GOLGA3: variants seen among roughly 807,000 people sequenced by gnomAD.
GOLGA3 encodes golgin subfamily A member 3.
Under a neutral mutation model 169.4 loss-of-function variants are expected in GOLGA3, and 75 were observed. The ratio of observed to expected loss-of-function variants is 0.44; its 90% CI spans 0.37 to 0.54. The LOEUF is 0.54. Ranked by LOEUF, GOLGA3 falls within the 20% of genes least tolerant of loss-of-function variation. GOLGA3 has a pLI of 0.00. For synonymous variants in GOLGA3, 824 were observed against 822.4 expected (o/e 1.00, Z -0.03); for missense variants, 1,899 against 1,930.0 (o/e 0.98, Z 0.30).
chr12:132,812,054 G>A (rs1236491471), intron 4 of GOLGA3, among the ~76,000 whole-genome samples: 1 of 150,470 alleles, frequency 6.6e-6, no homozygotes, highest in African/African-American at 2.4e-5. Context: ...CGGGCATGGT[G>A]GCACGTGCTT....
chr12:132,776,841 A>G, intron 20 of GOLGA3, 85 bp from the exon 21 acceptor site: 1 of 1,565,786 alleles, frequency 6.4e-7, no homozygotes, highest in East Asian at 2.2e-5. Context: ...GTTTTGGTTT[A>G]TCTTTTAATA....
chr12:132,824,481 G>A (rs755736020), intron 1 of GOLGA3, among the ~76,000 whole-genome samples: 9 of 152,208 alleles, frequency 5.9e-5, no homozygotes, highest in Non-Finnish European at 1.2e-4. Flanking sequence ...ATAGAAATGT[G>A]TCCTAACATT....
intron 13 of GOLGA3, 103 bp downstream of exon 13, chr12:132,788,924 C>G (rs1376688489): frequency 2.4e-6 from 2 of 816,698 alleles, no homozygotes; most frequent in Non-Finnish European, 1.8e-6. Flanking sequence ...CAGACAGACC[C>G]CGCCCCAGAC....
intron 13 of GOLGA3, 67 bp from the exon 14 acceptor site, chr12:132,786,854 C>G (rs2045931039): frequency 1.8e-6 from 2 of 1,105,206 alleles, no homozygotes; most frequent in Admixed American, 1.7e-5. Flanking sequence ...CTTCCTGGCT[C>G]CAGCCCATCA....
rs1462138692 is a variant in GOLGA3 at position 132,796,027 on chromosome 12, T to C, written c.2294A>G (p.Glu765Gly). 3.1e-6 allele frequency: 5 copies of C among 1,612,900 alleles called. No individual in the cohort carries two copies. Among genetic ancestry groups the C allele is most frequent in the Non-Finnish European group, 4.2e-6 (5 of 1,180,010 alleles). The stretch of plus-strand genomic sequence containing the variant: ...GTTCTGCAGGAGGCAGATCGTGTCC[T>C]CCCTGGAGGCGGCCTCGCCCTGCAG... ...GELQGEAASR[E>G]DTICLLQNEK... Residue 765 changes from glutamate (E) to glycine (G), a missense_variant, in exon 11 of 24, where the codon GAG (glutamate) becomes GGG (glycine). Transcript: ENST00000450791.
At chr12:132,818,482 A>G (rs1593385986) in intron 2 of GOLGA3, among the ~76,000 whole-genome samples, 2 of 152,152 alleles carry the variant, frequency 1.3e-5, no homozygotes, top group African/African-American at 4.8e-5. Flanking sequence ...TCTGGTCTCA[A>G]ACTCCTCCCC....
intron 2 of GOLGA3, among the ~76,000 whole-genome samples, chr12:132,817,587 T>A (rs56026868): frequency 6.7e-3 from 3 of 446 alleles, no homozygotes; most frequent in Non-Finnish European, 5.6e-3. Flanking sequence ...CGCCCTCCAC[T>A]CCTCCACGCT....
At chr12:132,798,301 T>C (rs1948969742) in intron 9 of GOLGA3, 39 bp downstream of exon 9, 1 of 1,571,808 alleles carries the variant, frequency 6.4e-7, no homozygotes, top group Middle Eastern at 1.7e-4. Context: ...TGTCTGCGTC[T>C]GTTCTCCTAA....
chr12:132,773,544 G>A (rs552383309), intron 23 of GOLGA3, among the ~76,000 whole-genome samples: 5 of 152,208 alleles, frequency 3.3e-5, no homozygotes, highest in African/African-American at 7.2e-5. Context: ...TGGCACACAC[G>A]ACTTCCACTC....
In GOLGA3 at chr12:132,777,833, T is replaced by C. The variant is rs551840805; in HGVS notation, c.3583-28A>G. ...AGGAGGAAGGAAGCCACGTTGTCCA[T>C]GCCCTGCGTGACACCCACAGCTTTA... On this transcript the variant is annotated intron_variant, in intron 18 of 23. Transcript: ENST00000450791. The surrounding 1 kb of genome is among the most constrained non-coding windows in gnomAD (Gnocchi z 4.7). The C allele has an allele frequency of 3.7e-6, 6 of 1,611,392 alleles. No homozygotes were observed. Among genetic ancestry groups the C allele is most frequent in the South Asian group, 2.2e-5 (2 of 90,838 alleles).
intron 1 of GOLGA3, among the ~76,000 whole-genome samples, chr12:132,823,631 C>CA (rs1262867516): frequency 6.6e-6 from 1 of 151,810 alleles, no homozygotes; most frequent in Admixed American, 6.6e-5. Flanking sequence ...ACTAAAAATA[C>CA]AAAAAACTAG....
chr12:132,822,225 G>T lies in GOLGA3; in HGVS notation c.-97C>A. 1 of 1,480,886 alleles carries T rather than the reference G, an allele frequency of 6.8e-7. No individual in the cohort carries two copies. The allele number at this position is 1,480,886 out of a possible 1,614,324, so 91.7% of individuals were successfully genotyped here. On this transcript the variant is annotated 5_prime_UTR_variant, in exon 2 of 24. Coordinates refer to ENST00000450791, the MANE Select transcript of GOLGA3 (RefSeq NM_001389683.1). ...ATCAGCAACAGCCAAGAGCTCCTGG[G>T]AGGGGCCCTACTGTGTCTCCCATTT...
intron 9 of GOLGA3, 28 bp downstream of exon 9, chr12:132,798,312 G>T: frequency 6.3e-7 from 1 of 1,587,418 alleles, no homozygotes. Flanking sequence ...GTTCTCCTAA[G>T]CTTCCACGGC....
Position 132,777,558 on chromosome 12 carries a change from G to T in GOLGA3, c.3722+108C>A. ...ACTCCTATGATTCACTCAAGTACTC[G>T]GCAATTTGCAAAATATAGATGACCC... On this transcript the variant is annotated intron_variant, in intron 19 of 23. Transcript: ENST00000450791. This position sits in a 1 kb window ranked among gnomAD's most constrained non-coding sequence, Gnocchi z 4.7. 7.9e-7 allele frequency: 1 copy of T among 1,272,224 alleles called. No individual in the cohort carries two copies. The highest frequency in any genetic ancestry group is 1.4e-5 in the South Asian group (1 of 72,784). 78.8% of individuals were successfully genotyped at this position (1,272,224 alleles called of 1,614,324 possible). A position where few individuals can be genotyped will look rare whatever the true frequency, so the allele number is the denominator to read the frequency against.
chr12:132,809,274 G>A (rs755682431), intron 4 of GOLGA3, among the ~76,000 whole-genome samples: 1 of 152,248 alleles, frequency 6.6e-6, no homozygotes, highest in Admixed American at 6.5e-5. Context: ...CATGAAGGCA[G>A]ACTAGGAGTG....
At chr12:132,788,043 G>C (rs1421444291) in intron 13 of GOLGA3, among the ~76,000 whole-genome samples, 1 of 152,044 alleles carries the variant, frequency 6.6e-6, no homozygotes, top group Admixed American at 6.5e-5. Context: ...ACCAGCCCAG[G>C]CCTGCAGCTG....
At position 132,796,230 on chromosome 12, in the gene GOLGA3, G is replaced by C. The variant is rs1259031733; in HGVS notation, c.2101-10C>G. On this transcript the variant is annotated splice_polypyrimidine_tract_variant and intron_variant, in intron 10 of 23. Coordinates refer to ENST00000450791, the MANE Select transcript of GOLGA3 (RefSeq NM_001389683.1). ...GTAAAGTCAACTTCACCTGGAGAAGGAATGAAGCCCACATGGCTGCGCCTG... is the reference window on the plus strand; with the variant it reads ...GTAAAGTCAACTTCACCTGGAGAAGCAATGAAGCCCACATGGCTGCGCCTG... The C allele has an allele frequency of 6.3e-7, 1 of 1,580,386 alleles. No homozygotes were observed.
intron 5 of GOLGA3, among the ~76,000 whole-genome samples, chr12:132,807,675 G>A (rs1459743051): frequency 3.3e-5 from 5 of 152,186 alleles, no homozygotes; most frequent in African/African-American, 1.2e-4. Context: ...AAGAAAAGCT[G>A]TGTATCACCT....
At chr12:132,815,930 G>A (rs1297680124) in intron 3 of GOLGA3, among the ~76,000 whole-genome samples, 1 of 152,220 alleles carries the variant, frequency 6.6e-6, no homozygotes, top group African/African-American at 2.4e-5. Context: ...TGGGCCTGGT[G>A]GCTCACGCCT....
Sources: allele counts gnomAD v4.1 joint callset (sites outside exome capture counted in the v4.1 genomes callset), GRCh38; gene constraint gnomAD v4.1.1; non-coding constraint Gnocchi (gnomAD v3.1); transcripts MANE v1.5; gene names NCBI Gene and HGNC (gene_info 2026-07-23, HGNC 2026-07-21).